ABHD16A: variants seen among roughly 807,000 people sequenced by gnomAD.
ABHD16A encodes the protein phosphatidylserine lipase ABHD16A.
In ABHD16A, 47 loss-of-function variants were observed where a neutral mutation model predicts 89.8. The ratio of observed to expected loss-of-function variants is 0.52; its 90% CI spans 0.41 to 0.67. ABHD16A has a LOEUF of 0.67. Ranked by LOEUF, ABHD16A falls within the 30% of genes least tolerant of loss-of-function variation. The pLI, the probability that ABHD16A is intolerant of heterozygous loss-of-function variation, is 0.00. For missense variants in ABHD16A, 580 were observed against 734.6 expected, an observed-to-expected ratio of 0.79 and a Z score of 2.43; for synonymous variants, 251 against 280.4, an observed-to-expected ratio of 0.90 and a Z score of 1.05.
chr6:31,688,317 A>T lies in ABHD16A; in HGVS notation c.1251-12T>A, dbSNP rs1333323623. ...CAGGACCCTGGTATCTTCAGAGAACAGAGCAGTGGGAAGGGAGAGCTCAGA... is the reference window on the plus strand; with the variant it reads ...CAGGACCCTGGTATCTTCAGAGAACTGAGCAGTGGGAAGGGAGAGCTCAGA... On this transcript the variant is annotated splice_polypyrimidine_tract_variant and intron_variant, in intron 14 of 19. Transcript: ENST00000395952. The surrounding 1 kb of genome is among the most constrained non-coding windows in gnomAD (Gnocchi z 4.9). The T allele has an allele frequency of 1.9e-6, 3 of 1,613,680 alleles. No homozygotes were observed. Among genetic ancestry groups the T allele is most frequent in the Non-Finnish European group, 2.5e-6 (3 of 1,179,746 alleles).
Position 31,703,318 on chromosome 6 carries a change from T to TC in ABHD16A, c.-38dup. Reference sequence around the variant, plus strand: ...GGGCCGCTGCTCTTCCAGCAGCAGGTCCCCCTGCCGGCCCCGCCCTCCCTG... The same window carrying TC: ...GGGCCGCTGCTCTTCCAGCAGCAGGTCCCCCCTGCCGGCCCCGCCCTCCCTG... On this transcript the variant is annotated 5_prime_UTR_variant, in exon 1 of 20. Transcript: ENST00000395952. The TC allele has an allele frequency of 7.5e-7, 1 of 1,334,940 alleles. No individual in the cohort carries two copies. Among genetic ancestry groups the TC allele is most frequent in the Admixed American group, 3.1e-5 (1 of 31,824 alleles). 82.7% of individuals were successfully genotyped at this position (1,334,940 alleles called of 1,614,324 possible).
intron 5 of ABHD16A, 74 bp downstream of exon 5, chr6:31,696,874 G>A: frequency 2.1e-6 from 3 of 1,416,782 alleles, no homozygotes; most frequent in African/African-American, 1.4e-5. Context: ...AGAAGCCAGT[G>A]TCTGGTGCTC....
rs765234877 is a variant in ABHD16A, at chr6:31,703,212, T to C, written c.70A>G (p.Arg24Gly). 6.9e-7 allele frequency: 1 copy of C among 1,445,396 alleles called. No homozygotes were observed. Among genetic ancestry groups the C allele is most frequent in the Non-Finnish European group, 9.2e-7 (1 of 1,089,682 alleles). 89.5% of individuals were successfully genotyped at this position (1,445,396 alleles called of 1,614,324 possible). ...GTCTCAGGGACGCTGGCCGGGGCCC[T>C]TTCAGAGTCCCTCTCCCGGTAGATT... is the stretch of plus-strand genomic sequence containing the variant. ...YKIYRERDSE[R>G]APASVPETPT... Residue 24 changes from arginine (R) to glycine (G), a missense_variant, in exon 1 of 20, where the codon AGG (arginine) becomes GGG (glycine). Around this residue, in one of 2 missense-constraint regions of ABHD16A, gnomAD observed 165 missense variants for 165.8 expected, o/e 1.00. Coordinates refer to ENST00000395952, the MANE Select transcript of ABHD16A (RefSeq NM_021160.3).
chr6:31,697,231 GCTT>G (rs1804487215), intron 4 of ABHD16A, among the ~76,000 whole-genome samples, 198 bp from the exon 5 acceptor site: 1 of 152,272 alleles, frequency 6.6e-6, no homozygotes, highest in Admixed American at 6.5e-5. Context: ...GCTACAGGAC[GCTT>G]CTTCTCCCTA....
intron 8 of ABHD16A, 55 bp downstream of exon 8, chr6:31,691,749 T>TGGG: frequency 3.4e-5 from 4 of 118,754 alleles, no homozygotes; most frequent in Non-Finnish European, 6.4e-5. Flanking sequence ...TGGGGCGGGG[T>TGGG]GGGTGGGGGT....
rs1370589571 is a variant in ABHD16A, at chr6:31,688,127, T to C, written c.1308-24A>G. 2 of 1,607,578 alleles carry C rather than the reference T, an allele frequency of 1.2e-6. No homozygotes were observed. The highest frequency in any genetic ancestry group is 1.7e-6 in the Non-Finnish European group (2 of 1,175,836). On this transcript the variant is annotated intron_variant, in intron 15 of 19. Transcript: ENST00000395952. The surrounding 1 kb of genome is among the most constrained non-coding windows in gnomAD (Gnocchi z 4.9). ...CCCTGGGGGTGAGAAGAATGTACCC[T>C]GGAGGGGCTGGAGGTTAGGAGGAAG...
In ABHD16A at chr6:31,688,477, T is replaced by A; in HGVS notation, c.1251-172A>T. The stretch of plus-strand genomic sequence containing the variant: ...GGATTATTTAAGGGGCATGGTTCAG[T>A]CTGGCCCTGCTGGGAGACCCCTGCC... On this transcript the variant is annotated intron_variant, in intron 14 of 19. Transcript: ENST00000395952. The surrounding 1 kb of genome is among the most constrained non-coding windows in gnomAD (Gnocchi z 4.9). The A allele has an allele frequency of 2.5e-6, 2 of 809,038 alleles. No individual in the cohort carries two copies. Among genetic ancestry groups the A allele is most frequent in the Non-Finnish European group, 3.9e-6 (2 of 510,126 alleles). 50.1% of individuals were successfully genotyped at this position (809,038 alleles called of 1,614,324 possible).
chr6:31,695,631 G>A (rs1475555844), intron 5 of ABHD16A, among the ~76,000 whole-genome samples: 2 of 152,186 alleles, frequency 1.3e-5, no homozygotes, highest in Non-Finnish European at 2.9e-5. Context: ...GCTGAGGCAG[G>A]AGAATCGCTT....
At position 31,691,563 on chromosome 6, in the gene ABHD16A, C is replaced by G; in HGVS notation, c.843+16G>C. ...CTCACACTCACCCCACCTCTGGGCT[C>G]TCTGCTCCCTCTTACCAGCTTCTGT... is the stretch of plus-strand genomic sequence containing the variant. On this transcript the variant is annotated intron_variant, in intron 9 of 19. Transcript: ENST00000395952. 1 of 1,612,442 alleles carries G rather than the reference C, an allele frequency of 6.2e-7. No individual in the cohort carries two copies. The highest frequency in any genetic ancestry group is 1.3e-5 in the African/African-American group (1 of 75,004).
chr6:31,691,493 AG>A, intron 9 of ABHD16A, 85 bp downstream of exon 9: 8 of 1,203,032 alleles, frequency 6.6e-6, no homozygotes, highest in Non-Finnish European at 9.7e-6. Context: ...TGGTTCCTTC[AG>A]GGAGGTGCTA....
intron 12 of ABHD16A, 97 bp from the exon 13 acceptor site, chr6:31,689,216 A>C: frequency 9.2e-7 from 1 of 1,082,414 alleles, no homozygotes; most frequent in Non-Finnish European, 1.3e-6. Context: ...GGCCAACCCC[A>C]TTCCCCCTAT....
chr6:31,697,239 T>C (rs775019606), intron 4 of ABHD16A, among the ~76,000 whole-genome samples: 1 of 152,186 alleles, frequency 6.6e-6, no homozygotes, highest in Non-Finnish European at 1.5e-5. Flanking sequence ...ACGCTTCTTC[T>C]CCCTAGCTTC....
At chr6:31,696,163 CAAAAA>C (rs59018866) in intron 5 of ABHD16A, among the ~76,000 whole-genome samples, 1 of 69,708 alleles carries the variant, frequency 1.4e-5, no homozygotes, top group Non-Finnish European at 3.0e-5. Context: ...GACTCCGTCT[CAAAAA>C]AAAAAAAAAA....
intron 4 of ABHD16A, among the ~76,000 whole-genome samples, chr6:31,699,184 A>C (rs981752402): frequency 4.6e-5 from 7 of 151,884 alleles, no homozygotes; most frequent in Non-Finnish European, 1.0e-4. Context: ...AGGCGGGTGG[A>C]TCACGAGGTC....
In ABHD16A at chr6:31,690,478, T is replaced by C; in HGVS notation, c.907+61A>G. ...GAGGCCAGGGGAGGTCAGGTCAGTG[T>C]GGGAGGCAGGGACATTCCCTTTCAA... On this transcript the variant is annotated intron_variant, in intron 10 of 19. Transcript: ENST00000395952. The surrounding 1 kb of genome is among the most constrained non-coding windows in gnomAD (Gnocchi z 4.1). 6.4e-7 allele frequency: 1 copy of C among 1,572,052 alleles called. No homozygotes were observed. Among genetic ancestry groups the C allele is most frequent in the South Asian group, 1.1e-5 (1 of 90,218 alleles).
At position 31,687,666 on chromosome 6, in the gene ABHD16A, C is replaced by G. The variant is rs1302041736; in HGVS notation, c.1522G>C (p.Gly508Arg). The G allele has an allele frequency of 6.2e-7, 1 of 1,612,784 alleles. No homozygotes were observed. Among genetic ancestry groups the G allele is most frequent in the Admixed American group, 1.7e-5 (1 of 60,002 alleles). ...CCCACGCTCCAGGGGAAGTCGGGCC[C>G]GTGTTCTGCCTGGTAGGAGCGGAGG... Reference protein sequence around the residue: ...SVLRSYQAEHGPDFPWSVGED... With the variant: ...SVLRSYQAEHRPDFPWSVGED... The change falls in exon 18 of 20, where the codon GGG (glycine) becomes CGG (arginine). Residue 508 changes from glycine to arginine, a missense_variant. Physicochemically the swap from Gly to Arg is moderately radical, Grantham distance 125. Around this residue, in one of 2 missense-constraint regions of ABHD16A, gnomAD observed 415 missense variants for 568.8 expected, o/e 0.73. Transcript: ENST00000395952. The surrounding 1 kb of genome is among the most constrained non-coding windows in gnomAD (Gnocchi z 6.3).
rs769661318 is a variant in ABHD16A, at chr6:31,687,926, C to G, written c.1371-26G>C. On this transcript the variant is annotated intron_variant, in intron 16 of 19. Transcript: ENST00000395952. The surrounding 1 kb of genome is among the most constrained non-coding windows in gnomAD (Gnocchi z 6.3). Reference sequence around the variant, plus strand: ...CTACGGAGGAAGTGCCAGGACAGGTCAGGGCTGATTTTTTTTCATTCACCA... The same window carrying G: ...CTACGGAGGAAGTGCCAGGACAGGTGAGGGCTGATTTTTTTTCATTCACCA... 2 of 1,612,744 alleles carry G rather than the reference C, an allele frequency of 1.2e-6. No individual in the cohort carries two copies. Among genetic ancestry groups the G allele is most frequent in the East Asian group, 4.5e-5 (2 of 44,874 alleles).
Position 31,693,559 on chromosome 6 carries a change from C to T in ABHD16A, c.430-127G>A. 1.2e-6 allele frequency: 1 copy of T among 811,030 alleles called. No homozygotes were observed. The highest frequency in any genetic ancestry group is 2.0e-6 in the Non-Finnish European group (1 of 498,786). 50.2% of individuals were successfully genotyped at this position (811,030 alleles called of 1,614,324 possible). On this transcript the variant is annotated intron_variant, in intron 5 of 19. Transcript: ENST00000395952. The surrounding 1 kb of genome is among the most constrained non-coding windows in gnomAD (Gnocchi z 5.0). ...CATCATGGGGAAACCAAGCGGAGGT[C>T]AATACCCTCCCAATTCTCAGATGGA...
chr6:31,692,502 C>T (rs1284163391), intron 7 of ABHD16A, among the ~76,000 whole-genome samples: 6 of 152,162 alleles, frequency 3.9e-5, no homozygotes, highest in Non-Finnish European at 5.9e-5. Context: ...TCAGTACCCA[C>T]GACTGAGCTT....
Sources: allele counts gnomAD v4.1 joint callset (sites outside exome capture counted in the v4.1 genomes callset), GRCh38; gene constraint gnomAD v4.1.1; regional missense constraint gnomAD v4.1.1; non-coding constraint Gnocchi (gnomAD v3.1); transcripts MANE v1.5; gene names NCBI Gene and HGNC (gene_info 2026-07-23, HGNC 2026-07-21).